The following ERICH1 variants were observed in gnomAD, a reference collection of about 807,000 sequenced individuals.
ERICH1 encodes glutamate rich 1, also known as glutamate-rich protein 1.
ERICH1 carries 56 observed loss-of-function variants against 39.6 expected under a neutral mutation model. The observed-to-expected ratio is 1.41, with a 90% CI of 1.14 to 1.77. ERICH1 has a LOEUF of 1.77. Ranked by LOEUF, ERICH1 falls within the 40% of genes most tolerant of loss-of-function variation. ERICH1 has a pLI of 0.00. For synonymous variants in ERICH1, 313 were observed against 223.6 expected, an observed-to-expected ratio of 1.40 and a Z score of -3.57; for missense variants, 826 against 575.4, an observed-to-expected ratio of 1.44 and a Z score of -4.45.
At chr8:727,328 G>A (rs1309050714) in intron 1 of ERICH1, among the ~76,000 whole-genome samples, 1 of 152,214 alleles carries the variant, frequency 6.6e-6, no homozygotes, top group Non-Finnish European at 1.5e-5. Flanking sequence ...GCAGGAACTG[G>A]CACCAGTGCC....
chr8:688,271 G>GCCGC (rs1807991909), intron 3 of ERICH1, among the ~76,000 whole-genome samples: 1 of 34,940 alleles, frequency 2.9e-5, no homozygotes, highest in African/African-American at 1.2e-4. Flanking sequence ...CCCCAGTTCC[G>GCCGC]CCCGTCCCCG....
chr8:702,454 CCT>C (rs766692139), intron 2 of ERICH1, among the ~76,000 whole-genome samples: 55 of 152,264 alleles, frequency 3.6e-4, no homozygotes, highest in Admixed American at 7.8e-4. Flanking sequence ...AGGGAAACTC[CCT>C]GAGTGCAGAC....
At chr8:650,380 G>T (rs959714824) in intron 3 of ERICH1, among the ~76,000 whole-genome samples, 1 of 152,210 alleles carries the variant, frequency 6.6e-6, no homozygotes, top group Admixed American at 6.5e-5. Context: ...CTGCCCTGGG[G>T]GCTGACATCT....
intron 2 of ERICH1, among the ~76,000 whole-genome samples, chr8:713,906 T>C (rs1213578793): frequency 2.0e-5 from 3 of 152,126 alleles, no homozygotes; most frequent in South Asian, 2.1e-4. Context: ...CATAGACTTA[T>C]GTGTTTACTG....
intron 5 of ERICH1, 74 bp downstream of exon 5, chr8:668,524 G>A (rs774350990): frequency 5.5e-5 from 84 of 1,522,474 alleles, no homozygotes; most frequent in South Asian, 7.9e-5. Flanking sequence ...TTTTGGTGGC[G>A]TGTAAGTCTT....
At chr8:711,553 C>T (rs2132305552) in intron 2 of ERICH1, among the ~76,000 whole-genome samples, 1 of 151,420 alleles carries the variant, frequency 6.6e-6, no homozygotes, top group Non-Finnish European at 1.5e-5. Context: ...GGCCGGACTG[C>T]AGTGGCAACA....
At chr8:663,631 G>C (rs1016349324), downstream of ERICH1, among the ~76,000 whole-genome samples, 1 of 152,158 alleles carries the variant, frequency 6.6e-6, no homozygotes, top group Non-Finnish European at 1.5e-5. Flanking sequence ...CCCAGCAAAC[G>C]CATGTGGTAC....
intron 1 of ERICH1, among the ~76,000 whole-genome samples, chr8:719,745 TATTGA>T (rs1816854763): frequency 6.6e-6 from 1 of 152,192 alleles, no homozygotes; most frequent in Non-Finnish European, 1.5e-5. Context: ...CTTGCACATG[TATTGA>T]ATTATTACCT....
intron 3 of ERICH1, among the ~76,000 whole-genome samples, chr8:636,769 C>T (rs1798471920): frequency 6.6e-6 from 1 of 152,248 alleles, no homozygotes; most frequent in African/African-American, 2.4e-5. Context: ...TGATGAGGCC[C>T]CAGACGTGCT....
Position 692,528 on chromosome 8 carries a change from G to A in ERICH1, c.254C>T (p.Pro85Leu), listed in dbSNP as rs367821927. The change falls in exon 3 of 6, where the codon CCC becomes CTC. Residue 85 changes from proline to leucine, a missense_variant. Physicochemically the swap from Pro to Leu is moderately conservative, Grantham distance 98 (BLOSUM62 -3). Transcript: ENST00000262109. ...PEGYVPCWPE[P>L]SSCGSPENAS... ...GTTCTCGGGGCTCCCACAGCTGCTG[G>A]GCTCCGGCCAACAGGGGACGTAGCC... The A allele has an allele frequency of 8.1e-6, 13 of 1,613,852 alleles. No homozygotes were observed. The African/African-American group carries it at 1.5e-4, about 18-fold the overall frequency.
chr8:650,781 G>C (rs755873133), intron 3 of ERICH1, among the ~76,000 whole-genome samples: 1 of 152,168 alleles, frequency 6.6e-6, no homozygotes, highest in Non-Finnish European at 1.5e-5. Flanking sequence ...CTGCAGAGCC[G>C]AGACCTGACC....
chr8:692,461 C>G lies in ERICH1; in HGVS notation c.304+17G>C, dbSNP rs1286537504. On this transcript the variant is annotated intron_variant, in intron 3 of 5. Transcript: ENST00000262109. The stretch of plus-strand genomic sequence containing the variant: ...ATCTGCAAAGATGTCTACCTTTCCT[C>G]CCACCCAGCATTTTACCTTCTGTGT... 3 of 1,613,896 alleles carry G rather than the reference C, an allele frequency of 1.9e-6. No individual in the cohort carries two copies. The highest frequency in any genetic ancestry group is 2.5e-6 in the Non-Finnish European group (3 of 1,179,972).
chr8:622,050 A>G (rs1011956803), intron 3 of ERICH1, among the ~76,000 whole-genome samples: 1 of 152,120 alleles, frequency 6.6e-6, no homozygotes, highest in Non-Finnish European at 1.5e-5. Flanking sequence ...ACACCTCTAC[A>G]GAAAATAAAA....
At chr8:639,308 C>A (rs929202783) in intron 3 of ERICH1, among the ~76,000 whole-genome samples, 1 of 152,124 alleles carries the variant, frequency 6.6e-6, no homozygotes, top group African/African-American at 2.4e-5. Flanking sequence ...CATCTGTGAC[C>A]CCAGGTCATG....
chr8:665,194 CT>C (rs35261616), intron 5 of ERICH1, among the ~76,000 whole-genome samples: 23,825 of 152,016 alleles, frequency 0.16, 2,483 homozygotes, highest in East Asian at 0.38. Context: ...ACAATCGCCC[CT>C]GATGTCACCA....
rs561260648 is a variant in ERICH1, at chr8:674,830, G to C, written c.305-783C>G. Among the ~76,000 whole-genome samples the C allele has an allele frequency of 1.4e-4, 21 of 152,358 alleles. No homozygotes were observed. The South Asian group carries it at 3.9e-3, about 29-fold the overall frequency. On this transcript the variant is annotated intron_variant, in intron 3 of 5. Transcript: ENST00000262109. ...AAGCTGGACTCCAGGTTGGCAGAAG[G>C]TGGTTTATAAATAGCATAGGTTGGT...
At chr8:621,470 T>A (rs1379432385) in intron 3 of ERICH1, among the ~76,000 whole-genome samples, 2 of 151,978 alleles carry the variant, frequency 1.3e-5, no homozygotes, top group African/African-American at 4.8e-5. Flanking sequence ...TAAATATATG[T>A]AATTTTTGTC....
intron 1 of ERICH1, chr8:725,513 A>T (rs565107609): frequency 6.6e-6 from 1 of 152,400 alleles, no homozygotes; most frequent in Admixed American, 6.5e-5. Context: ...GCCGTCAGGG[A>T]TGGGCACATT....
At chr8:681,891 C>T (rs1302900685) in intron 3 of ERICH1, among the ~76,000 whole-genome samples, 1 of 152,174 alleles carries the variant, frequency 6.6e-6, no homozygotes, top group African/African-American at 2.4e-5. Flanking sequence ...GGACCCCACC[C>T]TTGACACCTG....
Sources: allele counts gnomAD v4.1 joint callset (sites outside exome capture counted in the v4.1 genomes callset), GRCh38; gene constraint gnomAD v4.1.1; transcripts MANE v1.5; gene names NCBI Gene and HGNC (gene_info 2026-07-23, HGNC 2026-07-21).